KIAA0825: variants seen among roughly 807,000 people sequenced by gnomAD.
KIAA0825 encodes the protein uncharacterized protein KIAA0825.
KIAA0825 carries 119 observed loss-of-function variants against 147.6 expected under a neutral mutation model. The observed-to-expected ratio is 0.81, with a 90% CI of 0.69 to 0.94. The LOEUF (loss-of-function observed/expected upper bound fraction) is 0.94. Ranked by LOEUF, KIAA0825 falls within the 40% of genes least tolerant of loss-of-function variation. KIAA0825 has a pLI of 0.00. For synonymous variants in KIAA0825, 470 were observed against 518.1 expected, an observed-to-expected ratio of 0.91 and a Z score of 1.26; for missense variants, 1,381 against 1,472.7, an observed-to-expected ratio of 0.94 and a Z score of 1.02.
At chr5:94,603,623 A>G (rs1158650917) in intron 1 of KIAA0825, among the ~76,000 whole-genome samples, 1 of 152,330 alleles carries the variant, frequency 6.6e-6, no homozygotes, top group East Asian at 1.9e-4. Flanking sequence ...AAAAGACATA[A>G]GAGTGGCAAG....
intron 20 of KIAA0825, among the ~76,000 whole-genome samples, chr5:94,304,007 G>A (rs757825815): frequency 6.6e-6 from 1 of 152,066 alleles, no homozygotes; most frequent in Non-Finnish European, 1.5e-5. Context: ...ATCATGCCCA[G>A]AAGACAGGAC....
chr5:94,554,760 A>ATG (rs1183474261), intron 2 of KIAA0825, among the ~76,000 whole-genome samples: 2 of 115,748 alleles, frequency 1.7e-5, no homozygotes, highest in African/African-American at 3.2e-5. Flanking sequence ...ATATATATAT[A>ATG]TGAATTCATT....
intron 20 of KIAA0825, among the ~76,000 whole-genome samples, chr5:94,216,854 A>G (rs1562317778): frequency 6.6e-6 from 1 of 152,170 alleles, no homozygotes; most frequent in Admixed American, 6.5e-5. Flanking sequence ...ACAGAAACAG[A>G]TTAGATGAAA....
In KIAA0825 at chr5:94,153,055, A is replaced by C. The variant is rs1405462463; in HGVS notation, c.*952T>G. ...GGCATACAGGGAGTTATAAAGGGAG[A>C]CTTCATATTATATCATAATATCTTC... On this transcript the variant is annotated 3_prime_UTR_variant, in exon 21 of 21. Transcript: ENST00000682413. 6.7e-6 allele frequency: 1 copy of C among 149,578 alleles called. No individual in the cohort carries two copies. 9.3% of individuals were successfully genotyped at this position (149,578 alleles called of 1,614,324 possible). A position where few individuals can be genotyped will look rare whatever the true frequency, so the allele number is the denominator to read the frequency against.
intron 20 of KIAA0825, among the ~76,000 whole-genome samples, chr5:94,157,053 T>A (rs964437045): frequency 2.6e-5 from 4 of 152,150 alleles, no homozygotes; most frequent in African/African-American, 9.7e-5. Flanking sequence ...ATGGACAATC[T>A]GTTAAAAATC....
At position 94,386,229 on chromosome 5, in the gene KIAA0825, A is replaced by G. The variant is rs147182960; in HGVS notation, c.3619+13T>C. ...ACCACACATTTAAATTAAATTTACC[A>G]TTTAATTTCCACATACCTGATCTAG... On this transcript the variant is annotated intron_variant, in intron 19 of 20. Transcript: ENST00000682413. 262 of 1,530,548 alleles carry G rather than the reference A, an allele frequency of 1.7e-4. 3 individuals are homozygous for G. In the East Asian group the frequency reaches 6.4e-3, roughly 37 times the overall value. The allele number at this position is 1,530,548 out of a possible 1,614,324, so 94.8% of individuals were successfully genotyped here.
At chr5:94,260,771 C>T (rs1438877397) in intron 20 of KIAA0825, among the ~76,000 whole-genome samples, 1 of 152,046 alleles carries the variant, frequency 6.6e-6, no homozygotes, top group Admixed American at 6.6e-5. Flanking sequence ...AGCATTAAGT[C>T]GGTATGATGT....
chr5:94,545,522 GCAA>G lies in KIAA0825; in HGVS notation c.-1-8398_-1-8396del, dbSNP rs1419396185. Among the ~76,000 whole-genome samples the G allele has an allele frequency of 3.3e-5, 5 of 152,278 alleles. No individual in the cohort carries two copies. In the South Asian group the frequency reaches 1.0e-3, roughly 32 times the overall value. On this transcript the variant is annotated intron_variant, in intron 2 of 20. Transcript: ENST00000682413. ...GTCTTGCATCTTGGATACTAGCTCAGCAACAATAGTACAGGGTACCAGGCAGAC... is the reference window on the plus strand; with the variant it reads ...GTCTTGCATCTTGGATACTAGCTCAGCAATAGTACAGGGTACCAGGCAGAC...
At chr5:94,366,278 C>G (rs892378131) in intron 20 of KIAA0825, among the ~76,000 whole-genome samples, 9 of 152,186 alleles carry the variant, frequency 5.9e-5, no homozygotes, top group African/African-American at 2.2e-4. Flanking sequence ...AAAGTGAACC[C>G]ACTGCGGGGT....
chr5:94,468,052 A>C (rs1015929109), intron 10 of KIAA0825, among the ~76,000 whole-genome samples: 5 of 152,252 alleles, frequency 3.3e-5, no homozygotes, highest in African/African-American at 1.2e-4. Flanking sequence ...TGACCATGTA[A>C]GTATATGGAA....
chr5:94,528,937 C>T (rs1234316548), intron 3 of KIAA0825, among the ~76,000 whole-genome samples: 1 of 151,604 alleles, frequency 6.6e-6, no homozygotes, highest in Non-Finnish European at 1.5e-5. Flanking sequence ...CCTGTGCCAA[C>T]TCCTTTGATT....
intron 20 of KIAA0825, among the ~76,000 whole-genome samples, chr5:94,222,634 G>C (rs1234313879): frequency 6.6e-6 from 1 of 152,126 alleles, no homozygotes; most frequent in Non-Finnish European, 1.5e-5. Flanking sequence ...CCAATGATCA[G>C]AATGTCACTA....
At chr5:94,406,779 G>T (rs1028053784) in intron 15 of KIAA0825, among the ~76,000 whole-genome samples, 1 of 152,146 alleles carries the variant, frequency 6.6e-6, no homozygotes, top group Non-Finnish European at 1.5e-5. Context: ...GAGCAGCCTT[G>T]AAGCCATGGT....
chr5:94,420,226 A>G (rs1487698998), intron 14 of KIAA0825, among the ~76,000 whole-genome samples: 1 of 152,146 alleles, frequency 6.6e-6, no homozygotes, highest in Non-Finnish European at 1.5e-5. Context: ...ACAGCCCTGC[A>G]AATCATGCAA....
intron 20 of KIAA0825, among the ~76,000 whole-genome samples, chr5:94,354,819 C>G (rs1334426110): frequency 6.6e-6 from 1 of 152,166 alleles, no homozygotes; most frequent in African/African-American, 2.4e-5. Flanking sequence ...GAGTCAAACT[C>G]TGTAAAATAT....
chr5:94,276,640 A>G (rs938176972), intron 20 of KIAA0825, among the ~76,000 whole-genome samples: 1 of 152,144 alleles, frequency 6.6e-6, no homozygotes, highest in African/African-American at 2.4e-5. Flanking sequence ...ATGTCTGCAT[A>G]GTGTTTTTAG....
At chr5:94,342,253 T>A (rs150637) in intron 20 of KIAA0825, among the ~76,000 whole-genome samples, 53,318 of 151,734 alleles carry the variant, frequency 0.35, 9,589 homozygotes, top group Middle Eastern at 0.38. Context: ...CTAAAAAAAA[T>A]TTTTTTAGTA....
intron 20 of KIAA0825, among the ~76,000 whole-genome samples, chr5:94,236,033 G>A (rs958231213): frequency 5.9e-5 from 9 of 152,168 alleles, no homozygotes; most frequent in Admixed American, 3.3e-4. Flanking sequence ...TTTTTATGCC[G>A]CTAACACCAC....
At position 94,356,343 on chromosome 5, in the gene KIAA0825, C is replaced by T. The variant is rs149588680; in HGVS notation, c.3710+28025G>A. Among the ~76,000 whole-genome samples the T allele has an allele frequency of 4.2e-3, 640 of 152,076 alleles. 2 individuals carry two copies. The highest frequency in any genetic ancestry group is 0.015 in the African/African-American group (607 of 41,478). Reference sequence around the variant, plus strand: ...TGAACTACAGCCGGGAGCGGTGGCTCATGCCTGTAATCCCAGCACTTTGGG... The same window carrying T: ...TGAACTACAGCCGGGAGCGGTGGCTTATGCCTGTAATCCCAGCACTTTGGG... On this transcript the variant is annotated intron_variant, in intron 20 of 20. Coordinates refer to ENST00000682413, the MANE Select transcript of KIAA0825 (RefSeq NM_001145678.3).
Sources: allele counts gnomAD v4.1 joint callset (sites outside exome capture counted in the v4.1 genomes callset), GRCh38; gene constraint gnomAD v4.1.1; transcripts MANE v1.5; gene names NCBI Gene and HGNC (gene_info 2026-07-23, HGNC 2026-07-21).